SEMA3A: variants seen among roughly 807,000 people sequenced by gnomAD.
The protein encoded by SEMA3A is semaphorin-3A.
A neutral mutation model predicts 97.9 loss-of-function variants in SEMA3A; 29 were observed. That is an observed-to-expected ratio of 0.30 (90% CI 0.22 to 0.40). SEMA3A has a LOEUF of 0.40. Among genes scored for constraint, SEMA3A ranks in the 10% least tolerant of loss-of-function variants. SEMA3A has a pLI of 1.00. For missense variants in SEMA3A, 763 were observed against 951.3 expected (o/e 0.80, Z 2.60); for synonymous variants, 321 against 323.7 (o/e 0.99, Z 0.09).
At chr7:84,267,175 T>C (rs1337277054) in intron 3 of SEMA3A, among the ~76,000 whole-genome samples, 2 of 152,140 alleles carry the variant, frequency 1.3e-5, no homozygotes, top group Non-Finnish European at 2.9e-5. Flanking sequence ...TATTTTTTGA[T>C]TTGAGATGCT....
At chr7:84,419,686 T>A (rs1417777945) in intron 1 of SEMA3A, among the ~76,000 whole-genome samples, 1 of 152,134 alleles carries the variant, frequency 6.6e-6, no homozygotes, top group Non-Finnish European at 1.5e-5. Flanking sequence ...GTGGAATGTA[T>A]GCTCAGCAAA....
rs797824 is a variant in SEMA3A at position 83,957,370 on chromosome 7, A to C, written c.*4001T>G. 53,615 of 151,982 alleles carry C rather than the reference A, an allele frequency of 0.35. 9,869 individuals carry two copies. Among genetic ancestry groups the C allele is most frequent in the East Asian group, 0.63 (3,267 of 5,160 alleles). 9.4% of individuals were successfully genotyped at this position (151,982 alleles called of 1,614,324 possible). Reference sequence around the variant, plus strand: ...AATACCTAGCACATTGTAGATAGTCAAGATCTATCAGTGGAATTTACTTGA... The same window carrying C: ...AATACCTAGCACATTGTAGATAGTCCAGATCTATCAGTGGAATTTACTTGA... On this transcript the variant is annotated 3_prime_UTR_variant, in exon 17 of 17. Transcript: ENST00000265362.
intron 1 of SEMA3A, among the ~76,000 whole-genome samples, chr7:84,376,052 C>G (rs573316230): frequency 1.3e-5 from 2 of 152,104 alleles, no homozygotes; most frequent in Non-Finnish European, 2.9e-5. Context: ...AATAACATTC[C>G]ACTGGATATA....
Position 84,123,388 on chromosome 7 carries a change from ATAACAGCTCTCAAG to A in SEMA3A, c.333+5721_333+5734del, listed in dbSNP as rs139454962. On this transcript the variant is annotated intron_variant, in intron 3 of 16. Coordinates refer to ENST00000265362, the MANE Select transcript of SEMA3A (RefSeq NM_006080.3). ...ACTGCATTATATATATATTTTTCAA[ATAACAGCTCTCAAG>A]TAACAGCAATGGAAAAATTCATAAG... Among the ~76,000 whole-genome samples the A allele has an allele frequency of 7.0e-3, 1,058 of 152,186 alleles. 14 individuals are homozygous for A. Among genetic ancestry groups the A allele is most frequent in the African/African-American group, 0.024 (1,008 of 41,542 alleles).
intron 3 of SEMA3A, among the ~76,000 whole-genome samples, chr7:84,220,218 C>G (rs1798844920): frequency 1.3e-5 from 2 of 152,246 alleles, no homozygotes; most frequent in South Asian, 2.1e-4. Flanking sequence ...GAAGGAAATC[C>G]TCATCCGTAA....
At chr7:84,054,762 T>G (rs4371953) in intron 5 of SEMA3A, among the ~76,000 whole-genome samples, 22,996 of 145,444 alleles carry the variant, frequency 0.16, 2,164 homozygotes, top group Middle Eastern at 0.25. Flanking sequence ...TGCGTTCCTT[T>G]GGAGGAGGAG....
intron 1 of SEMA3A, among the ~76,000 whole-genome samples, chr7:84,488,349 C>CACACACACAT (rs59656940): frequency 1.4e-5 from 2 of 145,552 alleles, no homozygotes; most frequent in African/African-American, 5.0e-5. Context: ...CACACACACA[C>CACACACACAT]ATATATATAT....
At chr7:84,357,213 T>C (rs1312313920) in intron 2 of SEMA3A, among the ~76,000 whole-genome samples, 5 of 151,956 alleles carry the variant, frequency 3.3e-5, no homozygotes, top group Non-Finnish European at 2.9e-5. Context: ...ATGTGCCATG[T>C]TGGTGTGCTG....
intron 1 of SEMA3A, among the ~76,000 whole-genome samples, chr7:84,410,668 GCAC>G (rs1562937775): frequency 6.6e-6 from 1 of 152,064 alleles, no homozygotes; most frequent in Non-Finnish European, 1.5e-5. Context: ...ATTGCTGCGT[GCAC>G]CACCACATGT....
chr7:83,966,732 AC>A lies in SEMA3A; in HGVS notation c.1718-3386del, dbSNP rs1158079532. ...AATTTTTTTTCTTTTTTTTTTTGAG[AC>A]GGAGTTTCCCTATTGTTGCCCAGGC... is the stretch of plus-strand genomic sequence containing the variant. On this transcript the variant is annotated intron_variant, in intron 15 of 16. Transcript: ENST00000265362. Among the ~76,000 whole-genome samples, 3 of 150,258 alleles carry A rather than the reference AC, an allele frequency of 2.0e-5. No homozygotes were observed. In the East Asian group the frequency reaches 5.9e-4, roughly 30 times the overall value.
intron 15 of SEMA3A, among the ~76,000 whole-genome samples, chr7:83,972,581 T>C (rs904656453): frequency 1.3e-5 from 2 of 152,072 alleles, no homozygotes; most frequent in African/African-American, 4.8e-5. Context: ...TGATGGGAGA[T>C]GGAAAACACC....
chr7:84,438,535 T>G (rs145087044), intron 1 of SEMA3A, among the ~76,000 whole-genome samples: 3 of 152,236 alleles, frequency 2.0e-5, no homozygotes, highest in African/African-American at 7.2e-5. Context: ...CTAGGCAGGA[T>G]GTTGGGGTTA....
intron 2 of SEMA3A, among the ~76,000 whole-genome samples, chr7:84,333,073 T>A (rs1265634195): frequency 6.6e-6 from 1 of 152,098 alleles, no homozygotes; most frequent in African/African-American, 2.4e-5. Context: ...ACTATTTTTG[T>A]GTAATTGCTG....
At chr7:84,189,820 T>C (rs1281316282) in intron 1 of SEMA3A, among the ~76,000 whole-genome samples, 2 of 151,622 alleles carry the variant, frequency 1.3e-5, no homozygotes, top group Non-Finnish European at 3.0e-5. Flanking sequence ...AATTTAAGTA[T>C]AATTGACCCC....
chr7:84,065,439 T>C (rs1294349247), intron 4 of SEMA3A, among the ~76,000 whole-genome samples: 3 of 150,484 alleles, frequency 2.0e-5, no homozygotes, highest in South Asian at 4.2e-4. Flanking sequence ...CTGAAGGAAG[T>C]AGAGACACAA....
intron 2 of SEMA3A, 92 bp from the exon 3 acceptor site, chr7:84,129,277 GAAGTA>G: frequency 9.7e-7 from 1 of 1,026,470 alleles, no homozygotes; most frequent in East Asian, 2.4e-5. Flanking sequence ...TGGGGCAACT[GAAGTA>G]AAGAAAGTTC....
chr7:84,359,954 A>G (rs941570933), intron 2 of SEMA3A, among the ~76,000 whole-genome samples: 4 of 150,256 alleles, frequency 2.7e-5, no homozygotes, highest in East Asian at 2.0e-4. Flanking sequence ...CTCTGATGGT[A>G]GTTTGTATTT....
intron 6 of SEMA3A, among the ~76,000 whole-genome samples, chr7:84,039,566 T>C (rs1308114180): frequency 6.6e-6 from 1 of 152,102 alleles, no homozygotes; most frequent in African/African-American, 2.4e-5. Flanking sequence ...TGGTAGAGTT[T>C]AATATTGGAG....
intron 5 of SEMA3A, among the ~76,000 whole-genome samples, chr7:84,055,389 T>C (rs895996639): frequency 1.3e-4 from 20 of 152,136 alleles, no homozygotes; most frequent in Non-Finnish European, 2.1e-4. Flanking sequence ...CAGCCAGGTG[T>C]GGGATATAGT....
Sources: allele counts gnomAD v4.1 joint callset (sites outside exome capture counted in the v4.1 genomes callset), GRCh38; gene constraint gnomAD v4.1.1; transcripts MANE v1.5; gene names NCBI Gene and HGNC (gene_info 2026-07-23, HGNC 2026-07-21).